The following GSDMB variants were observed in gnomAD, a reference collection of about 807,000 sequenced individuals.
The protein encoded by GSDMB is gasdermin-B.
GSDMB carries 32 observed loss-of-function variants against 42.9 expected under a neutral mutation model. That is an observed-to-expected ratio of 0.75 (90% CI 0.56 to 1.00). The LOEUF (loss-of-function observed/expected upper bound fraction) is 1.00, where lower values mean the gene tolerates loss of function less well. Among genes scored for constraint, GSDMB ranks in the 50% least tolerant of loss-of-function variants. The probability of loss-of-function intolerance (pLI) is 0.00; values close to 1 mark genes in which losing one functional copy is unlikely to be tolerated. For missense variants in GSDMB, 468 were observed against 498.5 expected (o/e 0.94, Z 0.58); for synonymous variants, 175 against 193.7 (o/e 0.90, Z 0.80).
At chr17:39,908,928 C>T in intron 5 of GSDMB, 30 bp downstream of exon 5, 2 of 1,389,752 alleles carry the variant, frequency 1.4e-6, no homozygotes, top group South Asian at 1.2e-5. Flanking sequence ...TTAGGGCCCC[C>T]CATCCTGTTC....
chr17:39,917,261 C>T lies in GSDMB; in HGVS notation c.56G>A (p.Gly19Glu), dbSNP rs771112149. The T allele has an allele frequency of 1.9e-5, 31 of 1,613,892 alleles. No individual in the cohort carries two copies. The South Asian group carries it at 3.3e-4, about 17-fold the overall frequency. ...GCTTCTAACGGCAATCATATCCCCT[C>T]CAGCATCCATCTCCTTAACTACAAT... ...TRIVVKEMDAGGDMIAVRSLV... is the reference protein window; with the variant it reads ...TRIVVKEMDAEGDMIAVRSLV... Residue 19 changes from glycine to glutamate, a missense_variant, in exon 2 of 11, where the codon GGA (glycine) becomes GAA (glutamate). Gly to Glu is a moderately conservative substitution (Grantham distance 98, BLOSUM62 -2). Coordinates refer to ENST00000418519, the MANE Select transcript of GSDMB (RefSeq NM_001165958.2).
chr17:39,917,772 T>C (rs2063742174), intron 1 of GSDMB: 1 of 195,160 alleles, frequency 5.1e-6, no homozygotes, highest in Non-Finnish European at 1.1e-5. Flanking sequence ...CCAGCCTTGT[T>C]GCTCATATAA....
intron 2 of GSDMB, among the ~76,000 whole-genome samples, chr17:39,912,764 T>G (rs1342379794): frequency 6.6e-6 from 1 of 152,250 alleles, no homozygotes; most frequent in Non-Finnish European, 1.5e-5. Flanking sequence ...TTGAATCTGT[T>G]TCTTCATCTA....
At chr17:39,913,536 C>G (rs910794288) in intron 2 of GSDMB, among the ~76,000 whole-genome samples, 1 of 152,120 alleles carries the variant, frequency 6.6e-6, no homozygotes, top group African/African-American at 2.4e-5. Context: ...TCGCTTGAAC[C>G]TGGGAGGCAG....
At chr17:39,915,153 G>A (rs1025016437) in intron 2 of GSDMB, among the ~76,000 whole-genome samples, 3 of 151,456 alleles carry the variant, frequency 2.0e-5, no homozygotes, top group East Asian at 1.9e-4. Flanking sequence ...TGTATTTTTA[G>A]TAGAGACAGG....
rs1272021180 is a variant in GSDMB at position 39,908,306 on chromosome 17, C to G, written c.662-92G>C. ...TCCCTTTCTCCAGTCCCTCTCAATC[C>G]CTATACCAGCCTCCAATCAAAAAAA... On this transcript the variant is annotated intron_variant, in intron 5 of 10. Coordinates refer to ENST00000418519, the MANE Select transcript of GSDMB (RefSeq NM_001165958.2). 4 of 527,140 alleles carry G rather than the reference C, an allele frequency of 7.6e-6. No homozygotes were observed. The Admixed American group carries it at 1.4e-4, about 19-fold the overall frequency. The allele number at this position is 527,140 out of a possible 1,614,324, so 32.7% of individuals were successfully genotyped here.
chr17:39,908,957 CTCA>C lies in GSDMB; in HGVS notation c.659_661del (p.Met220del). 1.3e-6 allele frequency: 2 copies of C among 1,591,210 alleles called. No homozygotes were observed. Among genetic ancestry groups the C allele is most frequent in the Non-Finnish European group, 1.7e-6 (2 of 1,162,160 alleles). On this transcript the variant is annotated inframe_deletion and splice_region_variant, in exon 5 of 11. Coordinates refer to ENST00000418519, the MANE Select transcript of GSDMB (RefSeq NM_001165958.2). ...CCTGTTCTCCATCTGCCTTTGCTTA[CTCA>C]TCGTCTCCTTGTTGGGGAAGACAAG...
chr17:39,908,128 CT>C, intron 6 of GSDMB, 47 bp downstream of exon 6: 1 of 1,067,574 alleles, frequency 9.4e-7, no homozygotes, highest in Non-Finnish European at 1.4e-6. Flanking sequence ...AAAATAGTGT[CT>C]TTGCCCATTC....
At chr17:39,916,133 T>C (rs1308179319) in intron 2 of GSDMB, among the ~76,000 whole-genome samples, 2 of 152,084 alleles carry the variant, frequency 1.3e-5, no homozygotes, top group African/African-American at 2.4e-5. Flanking sequence ...GGATTTCTGC[T>C]CATCAGAAAC....
chr17:39,917,277 T>TCCTC lies in GSDMB; in HGVS notation c.39_40insGAGG (p.Lys14GlufsTer14). The TCCTC allele has an allele frequency of 6.2e-7, 1 of 1,613,624 alleles. No homozygotes were observed. Among genetic ancestry groups the TCCTC allele is most frequent in the Non-Finnish European group, 8.5e-7 (1 of 1,179,506 alleles). Reference sequence around the variant, plus strand: ...ATATCCCCTCCAGCATCCATCTCCTTAACTACAATTCTTGTGATTTCCTCA... The same window carrying TCCTC: ...ATATCCCCTCCAGCATCCATCTCCTTCCTCAACTACAATTCTTGTGATTTCCTCA... On this transcript the variant is annotated frameshift_variant, in exon 2 of 11. Coordinates refer to ENST00000418519, the MANE Select transcript of GSDMB (RefSeq NM_001165958.2). LOFTEE classifies it high-confidence loss of function.
intron 2 of GSDMB, 109 bp from the exon 3 acceptor site, chr17:39,912,606 T>G (rs542598030): frequency 5.5e-5 from 45 of 812,920 alleles, no homozygotes; most frequent in Non-Finnish European, 9.2e-5. Flanking sequence ...ACCATCCCCC[T>G]CCCTTCTGAG....
rs1197944023 is a variant in GSDMB, at chr17:39,917,281, T to G, written c.36A>C (p.Val12=). The change falls in exon 2 of 11, where the codon GTA becomes GTC. Residue 12 remains valine, a synonymous_variant. Transcript: ENST00000418519. ...CCCCTCCAGCATCCATCTCCTTAACTACAATTCTTGTGATTTCCTCAAATA... is the reference window on the plus strand; with the variant it reads ...CCCCTCCAGCATCCATCTCCTTAACGACAATTCTTGTGATTTCCTCAAATA... ...FSVFEEITRI[V]VKEMDAGGDM... is the part of the protein sequence containing the mutation. 1 of 1,613,336 alleles carries G rather than the reference T, an allele frequency of 6.2e-7. No homozygotes were observed. Among genetic ancestry groups the G allele is most frequent in the African/African-American group, 1.3e-5 (1 of 74,924 alleles).
At chr17:39,916,962 G>A (rs1423558692) in intron 2 of GSDMB, 120 bp downstream of exon 2, 1 of 673,262 alleles carries the variant, frequency 1.5e-6, no homozygotes, top group Non-Finnish European at 2.7e-6. Context: ...GTGTGTGGAT[G>A]TGTACAAATC....
intron 3 of GSDMB, among the ~76,000 whole-genome samples, chr17:39,911,972 C>A (rs2063618186): frequency 6.6e-6 from 1 of 151,324 alleles, no homozygotes; most frequent in South Asian, 2.1e-4. Flanking sequence ...AAAAAAAAAA[C>A]AACCAGGTTT....
At chr17:39,912,592 T>C in intron 2 of GSDMB, 95 bp from the exon 3 acceptor site, 3 of 911,980 alleles carry the variant, frequency 3.3e-6, no homozygotes, top group Admixed American at 2.0e-5. Flanking sequence ...CTGGGTTCCG[T>C]GCCACCATCC....
In GSDMB at chr17:39,905,447, G is replaced by A. The variant is rs199978390; in HGVS notation, c.1077C>T (p.Thr359=). ...QFVAEALEKG[T]LPLLKDQVKS... ...TCACCTGGTCCTTCAACAGAGGAAG[G>A]GTCCCCTTCTCCAGGGCCTCAGCCA... Residue 359 remains threonine (T), a synonymous_variant, in exon 10 of 11, where the codon ACC becomes ACT. Coordinates refer to ENST00000418519, the MANE Select transcript of GSDMB (RefSeq NM_001165958.2). The A allele has an allele frequency of 5.2e-5, 83 of 1,607,892 alleles. No homozygotes were observed. Among genetic ancestry groups the A allele is most frequent in the Non-Finnish European group, 6.9e-5 (81 of 1,177,072 alleles).
At chr17:39,913,101 C>A (rs533346362) in intron 2 of GSDMB, among the ~76,000 whole-genome samples, 121 of 148,586 alleles carry the variant, frequency 8.1e-4, no homozygotes, top group South Asian at 1.7e-3. Context: ...TGACACTCTG[C>A]CTCTCTGCCT....
chr17:39,912,498 C>A lies in GSDMB; in HGVS notation c.236-1G>T. 6.2e-7 allele frequency: 1 copy of A among 1,610,584 alleles called. No individual in the cohort carries two copies. Among genetic ancestry groups the A allele is most frequent in the Non-Finnish European group, 8.5e-7 (1 of 1,176,826 alleles). ...AGAATTTGAAACTCAGCCTTTTGAC[C>A]TGGAAAGAGAATGATAAAGGTCACT... On this transcript the variant is annotated splice_acceptor_variant, in intron 2 of 10. Coordinates refer to ENST00000418519, the MANE Select transcript of GSDMB (RefSeq NM_001165958.2). LOFTEE classifies it high-confidence loss of function.
rs976149253 is a variant in GSDMB, at chr17:39,905,512, G to A, written c.1028-16C>T. ...TCAGACAGCTCTGGGGGCAAAGAAA[G>A]AGTGGTAAAAAGGAGAGATATATGG... On this transcript the variant is annotated splice_polypyrimidine_tract_variant and intron_variant, in intron 9 of 10. Transcript: ENST00000418519. 7 of 1,600,062 alleles carry A rather than the reference G, an allele frequency of 4.4e-6. No homozygotes were observed. The highest frequency in any genetic ancestry group is 6.0e-6 in the Non-Finnish European group (7 of 1,170,586).
Sources: allele counts gnomAD v4.1 joint callset (sites outside exome capture counted in the v4.1 genomes callset), GRCh38; gene constraint gnomAD v4.1.1; transcripts MANE v1.5; gene names NCBI Gene and HGNC (gene_info 2026-07-23, HGNC 2026-07-21).